TENM3: variants seen among roughly 807,000 people sequenced by gnomAD.
TENM3 encodes the protein teneurin-3.
Under a neutral mutation model 255.1 loss-of-function variants are expected in TENM3, and 63 were observed. The ratio of observed to expected loss-of-function variants is 0.25; its 90% CI spans 0.20 to 0.30. The LOEUF (loss-of-function observed/expected upper bound fraction) is 0.30, where lower values mean the gene tolerates loss of function less well. Among genes scored for constraint, TENM3 ranks in the 10% least tolerant of loss-of-function variants. TENM3 has a pLI of 1.00. For missense variants in TENM3, 2,929 were observed against 3,461.1 expected, an observed-to-expected ratio of 0.85 and a Z score of 3.86; for synonymous variants, 1,306 against 1,322.3, an observed-to-expected ratio of 0.99 and a Z score of 0.27.
chr4:181,955,681 C>A, the TENM3 span, among the ~76,000 whole-genome samples: 2 of 152,138 alleles, frequency 1.3e-5, no homozygotes, highest in Non-Finnish European at 2.9e-5. Flanking sequence ...CTAGATTTAG[C>A]AGATTAGCAT....
the TENM3 span, among the ~76,000 whole-genome samples, chr4:181,920,098 G>A: frequency 2.0e-5 from 3 of 151,962 alleles, no homozygotes; most frequent in South Asian, 2.1e-4. Flanking sequence ...ATTCCATGGT[G>A]TATATGTGCC....
chr4:182,045,069 C>T, the TENM3 span, among the ~76,000 whole-genome samples: 4 of 152,274 alleles, frequency 2.6e-5, no homozygotes, highest in African/African-American at 9.6e-5. Flanking sequence ...CTGGATGTTT[C>T]GGTGTTTTGC....
the TENM3 span, among the ~76,000 whole-genome samples, chr4:181,614,864 G>A: frequency 6.6e-6 from 1 of 152,240 alleles, no homozygotes; most frequent in Non-Finnish European, 1.5e-5. Context: ...TGAGGATGAT[G>A]GAGGTAAAAG....
At chr4:181,840,554 G>C in the TENM3 span, among the ~76,000 whole-genome samples, 13 of 152,226 alleles carry the variant, frequency 8.5e-5, no homozygotes, top group Non-Finnish European at 1.3e-4. Context: ...GCAACTGTTG[G>C]TGAGGTCTGG....
chr4:182,330,962 T>C (rs1204853270), intron 2 of TENM3, among the ~76,000 whole-genome samples: 2 of 152,200 alleles, frequency 1.3e-5, no homozygotes, highest in Non-Finnish European at 2.9e-5. Flanking sequence ...GAAACAGTTA[T>C]GAAATAGAGC....
chr4:182,724,673 A>G (rs1420363893), intron 13 of TENM3, among the ~76,000 whole-genome samples: 2 of 152,228 alleles, frequency 1.3e-5, no homozygotes, highest in African/African-American at 2.4e-5. Flanking sequence ...AAATTTGAGC[A>G]TTCCTCTTTG....
At chr4:181,832,036 A>G in the TENM3 span, among the ~76,000 whole-genome samples, 7 of 145,812 alleles carry the variant, frequency 4.8e-5, no homozygotes, top group African/African-American at 1.8e-4. Flanking sequence ...TAAAAGACCC[A>G]GCTCCTGCCC....
At chr4:181,449,592 T>C in the TENM3 span, among the ~76,000 whole-genome samples, 1 of 152,148 alleles carries the variant, frequency 6.6e-6, no homozygotes, top group Non-Finnish European at 1.5e-5. Flanking sequence ...GAGACCAGCC[T>C]GGCCAATGTA....
intron 3 of TENM3, among the ~76,000 whole-genome samples, chr4:182,473,395 C>T (rs903192663): frequency 5.9e-5 from 9 of 152,298 alleles, no homozygotes; most frequent in Admixed American, 2.0e-4. Context: ...AAAAACTGGC[C>T]GGGTGCCGTG....
chr4:182,043,884 A>G, the TENM3 span, among the ~76,000 whole-genome samples: 1 of 152,212 alleles, frequency 6.6e-6, no homozygotes, highest in Non-Finnish European at 1.5e-5. Context: ...GAAAGCCACT[A>G]TAATAAAAAC....
At chr4:181,933,018 G>T in the TENM3 span, among the ~76,000 whole-genome samples, 1 of 152,252 alleles carries the variant, frequency 6.6e-6, no homozygotes, top group Non-Finnish European at 1.5e-5. Context: ...CTCCCAGGGG[G>T]TTGGGGGCAA....
the TENM3 span, among the ~76,000 whole-genome samples, chr4:181,873,822 T>C: frequency 6.6e-6 from 1 of 151,962 alleles, no homozygotes; most frequent in Non-Finnish European, 1.5e-5. Flanking sequence ...TGAGATGGAG[T>C]CACCCAGGCT....
At chr4:182,637,101 A>G (rs1581175561) in intron 5 of TENM3, among the ~76,000 whole-genome samples, 1 of 152,338 alleles carries the variant, frequency 6.6e-6, no homozygotes, top group Admixed American at 6.5e-5. Flanking sequence ...GAGAGGAGTG[A>G]AAGAAAAGTA....
In TENM3 at chr4:182,275,255, T is replaced by C. The variant is rs1759924241; in HGVS notation, c.-76+31779T>C. Among the ~76,000 whole-genome samples the C allele has an allele frequency of 2.0e-5, 3 of 152,248 alleles. No individual in the cohort carries two copies. In the South Asian group the frequency reaches 6.2e-4, roughly 31 times the overall value. On this transcript the variant is annotated intron_variant, in intron 1 of 27. Coordinates refer to ENST00000511685, the MANE Select transcript of TENM3 (RefSeq NM_001080477.4). ...GATGGCCATTTTTACACATCATCCC[T>C]GTTTAGCAGGAAAGACCATAAGAAA...
the TENM3 span, among the ~76,000 whole-genome samples, chr4:181,474,890 C>T: frequency 2.9e-4 from 44 of 152,144 alleles, no homozygotes; most frequent in Non-Finnish European, 4.9e-4. Context: ...TCTCTTCTCC[C>T]CCCACCTCAT....
chr4:181,537,460 T>C, the TENM3 span, among the ~76,000 whole-genome samples: 1 of 152,140 alleles, frequency 6.6e-6, no homozygotes, highest in African/African-American at 2.4e-5. Context: ...TTCAAACTCA[T>C]TGAAATAAGG....
At chr4:181,467,512 C>A in the TENM3 span, among the ~76,000 whole-genome samples, 2 of 151,888 alleles carry the variant, frequency 1.3e-5, no homozygotes, top group Non-Finnish European at 2.9e-5. Context: ...CTAGTTATTA[C>A]AATTTATTGT....
chr4:182,258,112 CGTAAA>C (rs1312074209), intron 1 of TENM3, among the ~76,000 whole-genome samples: 1 of 151,618 alleles, frequency 6.6e-6, no homozygotes, highest in East Asian at 1.9e-4. Context: ...AAAATAAATA[CGTAAA>C]GTATATAGAA....
At chr4:182,550,005 G>A (rs1741841757) in intron 3 of TENM3, among the ~76,000 whole-genome samples, 1 of 152,216 alleles carries the variant, frequency 6.6e-6, no homozygotes, top group South Asian at 2.1e-4. Context: ...TTACAATTAT[G>A]TATTGGAGTC....
Sources: allele counts gnomAD v4.1 joint callset (sites outside exome capture counted in the v4.1 genomes callset), GRCh38; gene constraint gnomAD v4.1.1; transcripts MANE v1.5; gene names NCBI Gene and HGNC (gene_info 2026-07-23, HGNC 2026-07-21).